The following ASTN2 variants were observed in gnomAD, a reference collection of about 807,000 sequenced individuals.
ASTN2 encodes astrotactin 2, also known as astrotactin-2.
In ASTN2, 54 loss-of-function variants were observed where a neutral mutation model predicts 139.8. That is an observed-to-expected ratio of 0.39 (90% CI 0.31 to 0.48). The LOEUF (loss-of-function observed/expected upper bound fraction) is 0.48. Ranked by LOEUF, ASTN2 falls within the 20% of genes least tolerant of loss-of-function variation. The pLI is 0.95. For synonymous variants in ASTN2, 756 were observed against 719.5 expected, an observed-to-expected ratio of 1.05 and a Z score of -0.81; for missense variants, 1,565 against 1,725.1, an observed-to-expected ratio of 0.91 and a Z score of 1.64.
chr9:116,565,896 G>C (rs1853209096), intron 19 of ASTN2, among the ~76,000 whole-genome samples: 1 of 152,156 alleles, frequency 6.6e-6, no homozygotes. Flanking sequence ...GATCTAGAGA[G>C]AGACCTTCGA....
intron 13 of ASTN2, among the ~76,000 whole-genome samples, chr9:116,792,303 C>T (rs562914699): frequency 6.1e-4 from 93 of 152,264 alleles, no homozygotes; most frequent in African/African-American, 2.1e-3. Context: ...TAAAGCTTCA[C>T]CCAGGCCAAT....
At chr9:116,768,472 G>C (rs1235286058) in intron 13 of ASTN2, among the ~76,000 whole-genome samples, 1 of 152,064 alleles carries the variant, frequency 6.6e-6, no homozygotes, top group African/African-American at 2.4e-5. Flanking sequence ...CTGACTTTTT[G>C]TTTTCTTGTC....
At chr9:116,543,395 A>T (rs1403404184) in intron 19 of ASTN2, among the ~76,000 whole-genome samples, 1 of 151,446 alleles carries the variant, frequency 6.6e-6, no homozygotes, top group Admixed American at 6.6e-5. Context: ...CCATCATTTT[A>T]CCACTGCACT....
intron 5 of ASTN2, among the ~76,000 whole-genome samples, chr9:117,070,675 A>G: frequency 6.9e-6 from 1 of 145,926 alleles, no homozygotes; most frequent in Non-Finnish European, 1.5e-5. Flanking sequence ...GTCTTTTCAC[A>G]TAGTCCCATA....
intron 1 of ASTN2, among the ~76,000 whole-genome samples, chr9:117,302,356 A>G (rs1347362144): frequency 6.6e-6 from 1 of 152,182 alleles, no homozygotes; most frequent in African/African-American, 2.4e-5. Flanking sequence ...GAAGAGTAGC[A>G]ACTTGCCTTA....
chr9:117,320,680 G>T (rs770772912), intron 1 of ASTN2, among the ~76,000 whole-genome samples: 5 of 152,080 alleles, frequency 3.3e-5, no homozygotes, highest in Non-Finnish European at 7.4e-5. Flanking sequence ...GCACTCTGGG[G>T]AGCATTCACG....
intron 1 of ASTN2, among the ~76,000 whole-genome samples, chr9:117,406,970 A>T (rs999942584): frequency 6.6e-6 from 1 of 152,086 alleles, no homozygotes; most frequent in Admixed American, 6.6e-5. Flanking sequence ...TCCTAGGCAC[A>T]TAGAACAGTG....
At chr9:116,993,876 A>ATATATATATATATTTTTT (rs1030120382) in intron 7 of ASTN2, among the ~76,000 whole-genome samples, 31 of 142,046 alleles carry the variant, frequency 2.2e-4, no homozygotes, top group Non-Finnish European at 3.8e-4. Flanking sequence ...ATATATATAT[A>ATATATATATATATTTTTT]TTTTAACTAT....
chr9:116,643,920 G>A (rs1319026812), intron 17 of ASTN2, among the ~76,000 whole-genome samples: 1 of 152,170 alleles, frequency 6.6e-6, no homozygotes, highest in Non-Finnish European at 1.5e-5. Flanking sequence ...TAGCATATGT[G>A]TCCTTGTTAC....
chr9:116,929,185 A>G (rs1834834800), intron 10 of ASTN2, among the ~76,000 whole-genome samples: 1 of 152,164 alleles, frequency 6.6e-6, no homozygotes, highest in Non-Finnish European at 1.5e-5. Context: ...TGGAAGGACT[A>G]ATAGGACTTA....
intron 6 of ASTN2, among the ~76,000 whole-genome samples, chr9:117,034,430 G>C (rs1222612498): frequency 6.6e-6 from 1 of 152,142 alleles, no homozygotes; most frequent in Non-Finnish European, 1.5e-5. Flanking sequence ...AGTTACTGGA[G>C]TTATGCTATG....
intron 10 of ASTN2, among the ~76,000 whole-genome samples, chr9:116,909,428 G>T (rs1218160804): frequency 6.6e-6 from 1 of 152,210 alleles, no homozygotes; most frequent in African/African-American, 2.4e-5. Flanking sequence ...AAGTGTTTTG[G>T]CCTGAGTAAT....
Position 116,488,060 on chromosome 9 carries a change from A to C in ASTN2, c.3356-560T>G, listed in dbSNP as rs569874343. On this transcript the variant is annotated intron_variant, in intron 19 of 22. Transcript: ENST00000313400. ...AGAGTTCTGTGATTGATTAGTGATG[A>C]AGGTCATGGAACCTTCACCATGTAC... 5.2e-4 allele frequency among the ~76,000 whole-genome samples: 79 copies of C among 152,294 alleles called. 2 individuals are homozygous for C. The South Asian group carries it at 0.016, about 31-fold the overall frequency.
At chr9:117,394,058 T>C (rs1184958700) in intron 1 of ASTN2, among the ~76,000 whole-genome samples, 1 of 152,214 alleles carries the variant, frequency 6.6e-6, no homozygotes, top group African/African-American at 2.4e-5. Context: ...CTTTTCAAAA[T>C]AAATTGCCTT....
At chr9:117,295,131 G>A (rs1253216599) in intron 1 of ASTN2, among the ~76,000 whole-genome samples, 1 of 152,010 alleles carries the variant, frequency 6.6e-6, no homozygotes, top group Admixed American at 6.6e-5. Context: ...AGACCAGCCC[G>A]GCCAACATGG....
At chr9:116,815,204 G>A (rs572749898) in intron 12 of ASTN2, among the ~76,000 whole-genome samples, 2 of 152,266 alleles carry the variant, frequency 1.3e-5, no homozygotes, top group East Asian at 3.9e-4. Flanking sequence ...TGTTAGACTA[G>A]ACTTCAGCTT....
At chr9:117,381,933 G>T (rs1315527596) in intron 1 of ASTN2, among the ~76,000 whole-genome samples, 1 of 152,168 alleles carries the variant, frequency 6.6e-6, no homozygotes, top group Admixed American at 6.5e-5. Context: ...AAATGACCAA[G>T]GGAGAGAAGA....
intron 2 of ASTN2, among the ~76,000 whole-genome samples, chr9:117,276,245 G>T (rs1212006033): frequency 6.6e-6 from 1 of 152,136 alleles, no homozygotes; most frequent in African/African-American, 2.4e-5. Context: ...TTACATTTGA[G>T]GAAACCAAGG....
At chr9:117,237,337 C>T (rs183571070) in intron 2 of ASTN2, among the ~76,000 whole-genome samples, 1 of 152,266 alleles carries the variant, frequency 6.6e-6, no homozygotes, top group East Asian at 1.9e-4. Flanking sequence ...TGCCCTCCGG[C>T]CCAGGGATGA....
Sources: gnomAD v4.1 joint callset for allele counts (sites outside exome capture counted in the v4.1 genomes callset) on GRCh38, gnomAD v4.1.1 for gene constraint, MANE v1.5 for transcripts, NCBI Gene and HGNC (gene_info 2026-07-23, HGNC 2026-07-21) for gene names.